Variants in LRRC17 observed in about 807,000 individuals in gnomAD.
LRRC17 encodes the protein leucine rich repeat containing 17.
In LRRC17, 33 loss-of-function variants were observed where a neutral mutation model predicts 41.5. The ratio of observed to expected loss-of-function variants is 0.80; its 90% confidence interval spans 0.60 to 1.06. LRRC17 has a LOEUF of 1.06. LRRC17 is among the 50% of genes least tolerant of loss of function. The pLI is 0.00. For missense variants in LRRC17, 491 were observed against 519.3 expected (o/e 0.95, Z 0.53); for synonymous variants, 192 against 197.0 (o/e 0.97, Z 0.21).
chr7:102,940,874 T>G (rs1438273258), intron 3 of LRRC17, among the ~76,000 whole-genome samples: 1 of 152,246 alleles, frequency 6.6e-6, no homozygotes, highest in Non-Finnish European at 1.5e-5. Context: ...AAGTTTTAAC[T>G]ATGAAAATGA....
rs865850035 is a variant in LRRC17, at chr7:102,913,929, A to C, written c.-141+784A>C. ...AATCTCGCTGGAGTTGAAACAGATTAAATATGGTATTACCACAATGACCAA... is the reference window on the plus strand; with the variant it reads ...AATCTCGCTGGAGTTGAAACAGATTCAATATGGTATTACCACAATGACCAA... On this transcript the variant is annotated intron_variant, in intron 1 of 3. Coordinates refer to ENST00000339431, the MANE Select transcript of LRRC17 (RefSeq NM_001031692.3). Among the ~76,000 whole-genome samples the C allele has an allele frequency of 7.2e-5, 11 of 152,360 alleles. No individual in the cohort carries two copies. In the South Asian group the frequency reaches 1.2e-3, roughly 17 times the overall value.
At chr7:102,936,550 T>G (rs527253698) in intron 2 of LRRC17, among the ~76,000 whole-genome samples, 3 of 152,350 alleles carry the variant, frequency 2.0e-5, no homozygotes, top group Middle Eastern at 3.4e-3. Flanking sequence ...TAGTGCTTCA[T>G]GCTGAAGAGC....
intron 3 of LRRC17, 47 bp from the exon 4 acceptor site, chr7:102,944,163 T>C: frequency 6.8e-7 from 1 of 1,479,768 alleles, no homozygotes; most frequent in Non-Finnish European, 9.1e-7. Context: ...TGCCATACAC[T>C]GTATTAACTC....
At chr7:102,922,386 C>T (rs1817225375) in intron 1 of LRRC17, among the ~76,000 whole-genome samples, 1 of 151,730 alleles carries the variant, frequency 6.6e-6, no homozygotes, top group Non-Finnish European at 1.5e-5. Flanking sequence ...TCAAATCATG[C>T]AAATGCAAAA....
chr7:102,941,275 C>A (rs979520099), intron 3 of LRRC17, among the ~76,000 whole-genome samples: 2 of 152,256 alleles, frequency 1.3e-5, no homozygotes, highest in South Asian at 4.1e-4. Flanking sequence ...GCAAGTCAGT[C>A]ACTGGTAGCC....
Position 102,944,094 on chromosome 7 carries a change from T to TG in LRRC17, c.929-116_929-115insG, listed in dbSNP as rs1446416422. ...AGAAAAAGAAAGGAAAAGAAATCTC[T>TG]TTATTTTCAAAGGGGAAAATTAAGC... On this transcript the variant is annotated intron_variant, in intron 3 of 3. Coordinates refer to ENST00000339431, the MANE Select transcript of LRRC17 (RefSeq NM_001031692.3). The TG allele has an allele frequency of 2.4e-4, 194 of 821,516 alleles. 1 individual carries two copies. The Middle Eastern group carries it at 6.0e-3, about 25-fold the overall frequency. The allele number at this position is 821,516 out of a possible 1,614,324, so 50.9% of individuals were successfully genotyped here.
intron 1 of LRRC17, among the ~76,000 whole-genome samples, chr7:102,913,497 G>C (rs1001828816): frequency 1.3e-5 from 2 of 152,168 alleles, no homozygotes; most frequent in Non-Finnish European, 1.5e-5. Flanking sequence ...CTGGGATAAA[G>C]CTTTTTTGGT....
At chr7:102,936,691 T>C (rs753677009) in intron 2 of LRRC17, among the ~76,000 whole-genome samples, 10 of 152,356 alleles carry the variant, frequency 6.6e-5, no homozygotes, top group Non-Finnish European at 1.5e-4. Context: ...AACCTCAAGC[T>C]ACAGTGAATT....
At chr7:102,918,264 T>C (rs1032445054) in intron 1 of LRRC17, among the ~76,000 whole-genome samples, 1 of 152,218 alleles carries the variant, frequency 6.6e-6, no homozygotes, top group Non-Finnish European at 1.5e-5. Context: ...AAAAAATCAG[T>C]ATCAAGTAGT....
In LRRC17 at chr7:102,934,255, G is replaced by A. The variant is rs375548656; in HGVS notation, c.342G>A (p.Gln114=). ...AGCTGAAAAGCCTGGATCTGCAGCA[G>A]AATGAGATCTCTAAAATTGAGAGTG... The part of the protein sequence containing the change: ...FKKLKSLDLQ[Q]NEISKIESEA... Residue 114 remains glutamine (Q), a synonymous_variant, in exon 2 of 4, where the codon CAG becomes CAA. Transcript: ENST00000339431. 5 of 1,614,066 alleles carry A rather than the reference G, an allele frequency of 3.1e-6. No homozygotes were observed. In the African/African-American group the frequency reaches 5.3e-5, roughly 17 times the overall value.
At chr7:102,913,710 T>C (rs971439209) in intron 1 of LRRC17, among the ~76,000 whole-genome samples, 1 of 152,248 alleles carries the variant, frequency 6.6e-6, no homozygotes, top group Non-Finnish European at 1.5e-5. Context: ...AATATGACCA[T>C]GCTCTTAAAA....
chr7:102,935,956 G>A (rs527260298), intron 2 of LRRC17, among the ~76,000 whole-genome samples: 111 of 152,236 alleles, frequency 7.3e-4, no homozygotes, highest in African/African-American at 2.6e-3. Flanking sequence ...TATTAATGTT[G>A]TCAGGCATCC....
At chr7:102,916,888 A>T (rs1216886971) in intron 1 of LRRC17, among the ~76,000 whole-genome samples, 2 of 152,254 alleles carry the variant, frequency 1.3e-5, no homozygotes, top group African/African-American at 4.8e-5. Flanking sequence ...AGAAACTACA[A>T]AGATTTTTTT....
intron 2 of LRRC17, among the ~76,000 whole-genome samples, chr7:102,936,610 T>C (rs1476357159): frequency 6.6e-6 from 1 of 152,226 alleles, no homozygotes; most frequent in Non-Finnish European, 1.5e-5. Flanking sequence ...ACTGGAATTA[T>C]ATATTTTTAA....
chr7:102,928,150 CAAAATT>C (rs1316184838), intron 1 of LRRC17, among the ~76,000 whole-genome samples: 1 of 152,158 alleles, frequency 6.6e-6, no homozygotes, highest in African/African-American at 2.4e-5. Context: ...GACATCCAAA[CAAAATT>C]AGACCACTCC....
At chr7:102,931,180 A>T (rs1304545209) in intron 1 of LRRC17, among the ~76,000 whole-genome samples, 3 of 152,238 alleles carry the variant, frequency 2.0e-5, no homozygotes, top group African/African-American at 7.2e-5. Context: ...GCAAATGCAC[A>T]ACTGCAAGGA....
At chr7:102,932,070 G>A in intron 1 of LRRC17, 1 of 705,496 alleles carries the variant, frequency 1.4e-6, no homozygotes. Flanking sequence ...CTAAGTATAT[G>A]GTTTCTTTCC....
Position 102,944,780 on chromosome 7 carries a change from A to G in LRRC17, c.*173A>G, listed in dbSNP as rs760119821. ...CTATTATAGTAATCAAGAGAATGCT[A>G]TCATCCTGCTTGCCTGTCCATTTGT... On this transcript the variant is annotated 3_prime_UTR_variant, in exon 4 of 4. Transcript: ENST00000339431. 4 of 589,112 alleles carry G rather than the reference A, an allele frequency of 6.8e-6. No individual in the cohort carries two copies. The highest frequency in any genetic ancestry group is 5.7e-5 in the African/African-American group (3 of 52,802). The allele number at this position is 589,112 out of a possible 1,614,324, so 36.5% of individuals were successfully genotyped here. A position where few individuals can be genotyped will look rare whatever the true frequency, so the allele number is the denominator to read the frequency against.
At chr7:102,935,238 CTTTCTTTTTTTT>C (rs1820073752) in intron 2 of LRRC17, among the ~76,000 whole-genome samples, 2 of 84,472 alleles carry the variant, frequency 2.4e-5, no homozygotes, top group Non-Finnish European at 4.4e-5. Flanking sequence ...TTTTTTTTTT[CTTTCTTTTTTTT>C]TTTTTTTTTT....
Sources: gnomAD v4.1 joint callset for allele counts (sites outside exome capture counted in the v4.1 genomes callset) on GRCh38, gnomAD v4.1.1 for gene constraint, MANE v1.5 for transcripts, NCBI Gene and HGNC (gene_info 2026-07-23, HGNC 2026-07-21) for gene names.